Variants in DLEU7 observed in about 807,000 individuals in gnomAD.
The protein encoded by DLEU7 is leukemia-associated protein 7.
Under a neutral mutation model 16.0 loss-of-function variants are expected in DLEU7, and 17 were observed. The ratio of observed to expected loss-of-function variants is 1.06; its 90% CI spans 0.73 to 1.59. DLEU7 has a LOEUF of 1.59. Among genes scored for constraint, DLEU7 ranks in the 40% most tolerant of loss-of-function variants. The probability of loss-of-function intolerance (pLI) is 0.00; values close to 1 mark genes in which losing one functional copy is unlikely to be tolerated. For synonymous variants in DLEU7, 113 were observed against 139.8 expected (o/e 0.81, Z 1.35); for missense variants, 308 against 314.9 (o/e 0.98, Z 0.17).
At chr13:50,840,417 C>T (rs1877609953) in intron 1 of DLEU7, among the ~76,000 whole-genome samples, 1 of 152,104 alleles carries the variant, frequency 6.6e-6, no homozygotes, top group Non-Finnish European at 1.5e-5. Context: ...AACAGCAAAC[C>T]AAGCAAAATT....
downstream of DLEU7, chr13:50,818,559 TC>T (rs1470657345): frequency 2.0e-5 from 3 of 152,180 alleles, no homozygotes; most frequent in African/African-American, 4.8e-5. Flanking sequence ...GTGAACAACA[TC>T]CCTGTCGCTT....
intron 1 of DLEU7, among the ~76,000 whole-genome samples, chr13:50,814,195 A>G (rs1876654015): frequency 6.6e-6 from 1 of 152,144 alleles, no homozygotes; most frequent in Non-Finnish European, 1.5e-5. Context: ...AAAAAAATAG[A>G]AGTTGACTCC....
intron 1 of DLEU7, among the ~76,000 whole-genome samples, chr13:50,747,194 G>A (rs1166287184): frequency 6.6e-6 from 1 of 152,086 alleles, no homozygotes; most frequent in Non-Finnish European, 1.5e-5. Flanking sequence ...TCAAGTTACT[G>A]TGGCTGTAAT....
intron 1 of DLEU7, among the ~76,000 whole-genome samples, chr13:50,835,339 G>C (rs1167118822): frequency 6.6e-6 from 1 of 152,168 alleles, no homozygotes; most frequent in African/African-American, 2.4e-5. Flanking sequence ...CTGCTCCGGT[G>C]GGGTGACAGG....
At chr13:50,714,062 CAG>C (rs1346315013) in intron 1 of DLEU7, among the ~76,000 whole-genome samples, 2 of 152,216 alleles carry the variant, frequency 1.3e-5, no homozygotes, top group East Asian at 3.8e-4. Context: ...CCACAAAACA[CAG>C]AAAGGAAGTG....
Position 50,832,650 on chromosome 13 carries a change from A to C in DLEU7, c.460-9130T>G, listed in dbSNP as rs555545984. On this transcript the variant is annotated intron_variant, in intron 1 of 1. Coordinates refer to ENST00000504404, the MANE Select transcript of DLEU7 (RefSeq NM_001306135.2). ...TAAATTTCCCTCTAAACACTACTTT[A>C]GCTGCGTCCCAGAGATTCTGGTACA... 1.1e-3 allele frequency among the ~76,000 whole-genome samples: 161 copies of C among 152,298 alleles called. 1 individual carries two copies. Among genetic ancestry groups the C allele is most frequent in the African/African-American group, 3.6e-3 (150 of 41,558 alleles).
rs78656702 is a variant in DLEU7 at position 50,797,758 on chromosome 13, T to C, written c.459+45430A>G. On this transcript the variant is annotated intron_variant, in intron 1 of 1. Coordinates refer to the DLEU7 transcript ENST00000400393. The stretch of plus-strand genomic sequence containing the variant: ...CGGAGTACACTGAATATCCCTTTGG[T>C]GTCACATATTTTATCTTGCCTAAAA... 1.5e-3 allele frequency among the ~76,000 whole-genome samples: 220 copies of C among 151,686 alleles called. 3 individuals carry two copies. The East Asian group carries it at 0.037, about 25-fold the overall frequency.
rs148013754 is a variant in DLEU7, at chr13:50,770,792, G to A, written c.460-57552C>T. Among the ~76,000 whole-genome samples the A allele has an allele frequency of 5.8e-3, 884 of 151,294 alleles. 31 individuals are homozygous for A. The South Asian group carries it at 0.089, about 15-fold the overall frequency. The stretch of plus-strand genomic sequence containing the variant: ...CAGGATGATGCTGGCCTCATAAAAT[G>A]AAGGAGGATCCCCTCTTTTTCTGTT... On this transcript the variant is annotated intron_variant, in intron 1 of 1. Transcript: ENST00000400393.
chr13:50,772,591 G>GC (rs747041513), intron 1 of DLEU7, among the ~76,000 whole-genome samples: 2 of 152,112 alleles, frequency 1.3e-5, no homozygotes, highest in Non-Finnish European at 2.9e-5. Context: ...TTGAATATTG[G>GC]CCCCCACTCT....
At position 50,832,628 on chromosome 13, in the gene DLEU7, A is replaced by C. The variant is rs188536233; in HGVS notation, c.460-9108T>G. Among the ~76,000 whole-genome samples, 21 of 152,262 alleles carry C rather than the reference A, an allele frequency of 1.4e-4. No homozygotes were observed. The East Asian group carries it at 3.9e-3, about 28-fold the overall frequency. On this transcript the variant is annotated intron_variant, in intron 1 of 1. Coordinates refer to ENST00000504404, the MANE Select transcript of DLEU7 (RefSeq NM_001306135.2). ...CTCCTATGGGCATTTAGTGCTATAA[A>C]TTTCCCTCTAAACACTACTTTAGCT... is the stretch of plus-strand genomic sequence containing the variant.
chr13:50,807,125 T>A (rs1487792594), intron 1 of DLEU7, among the ~76,000 whole-genome samples: 1 of 151,668 alleles, frequency 6.6e-6, no homozygotes. Flanking sequence ...AATTAATTTT[T>A]AAAGAGAGTT....
chr13:50,722,003 G>T (rs2761846), intron 1 of DLEU7, among the ~76,000 whole-genome samples: 3 of 152,126 alleles, frequency 2.0e-5, no homozygotes, highest in South Asian at 4.1e-4. Flanking sequence ...TTTCTGCAAA[G>T]GCCCATTTAC....
intron 1 of DLEU7, among the ~76,000 whole-genome samples, chr13:50,800,649 T>G (rs1489668056): frequency 6.6e-6 from 1 of 152,128 alleles, no homozygotes; most frequent in Admixed American, 6.6e-5. Flanking sequence ...CCAAATCACG[T>G]TAATCATGAT....
In DLEU7 at chr13:50,834,823, A is replaced by T. The variant is rs1488856452; in HGVS notation, c.459+8365T>A. Reference sequence around the variant, plus strand: ...CCCATCAATGATAGACTGGATAAAGAAAATGTGGCACATATGCACCATGGA... The same window carrying T: ...CCCATCAATGATAGACTGGATAAAGTAAATGTGGCACATATGCACCATGGA... On this transcript the variant is annotated intron_variant, in intron 1 of 1. Transcript: ENST00000504404. 9.2e-5 allele frequency among the ~76,000 whole-genome samples: 14 copies of T among 152,190 alleles called. 1 individual carries two copies. The highest frequency in any genetic ancestry group is 9.2e-4 in the Admixed American group (14 of 15,280).
intron 1 of DLEU7, among the ~76,000 whole-genome samples, chr13:50,734,626 A>G (rs950971927): frequency 6.6e-6 from 1 of 152,172 alleles, no homozygotes; most frequent in Non-Finnish European, 1.5e-5. Context: ...GATTAAAAAT[A>G]CCCAATCTGA....
intron 1 of DLEU7, among the ~76,000 whole-genome samples, chr13:50,841,213 A>C (rs986425807): frequency 2.6e-5 from 4 of 152,104 alleles, no homozygotes; most frequent in African/African-American, 9.7e-5. Context: ...GGTCCTCAGC[A>C]TGACACACAG....
intron 1 of DLEU7, among the ~76,000 whole-genome samples, chr13:50,763,712 C>T (rs1875012788): frequency 6.6e-6 from 1 of 152,192 alleles, no homozygotes; most frequent in South Asian, 2.1e-4. Flanking sequence ...TCCTAGCTCC[C>T]GGATCTGCCC....
chr13:50,806,976 C>CAAAAAAAAAAAAAA (rs556761618), intron 1 of DLEU7, among the ~76,000 whole-genome samples: 1 of 54,190 alleles, frequency 1.8e-5, no homozygotes, highest in African/African-American at 7.0e-5. Flanking sequence ...GACTCCCTCT[C>CAAAAAAAAAAAAAA]AAAAAAAAAA....
At chr13:50,724,970 A>T (rs979504982) in intron 1 of DLEU7, among the ~76,000 whole-genome samples, 15 of 152,328 alleles carry the variant, frequency 9.8e-5, no homozygotes, top group African/African-American at 3.4e-4. Flanking sequence ...CAAAGGGCAG[A>T]AGGCCTTCCT....
Sources: allele counts gnomAD v4.1 joint callset (sites outside exome capture counted in the v4.1 genomes callset), GRCh38; gene constraint gnomAD v4.1.1; transcripts MANE v1.5; gene names NCBI Gene and HGNC (gene_info 2026-07-23, HGNC 2026-07-21).